SPIDR: variants seen among roughly 807,000 people sequenced by gnomAD.
SPIDR encodes the protein scaffold protein involved in DNA repair.
A neutral mutation model predicts 104.6 loss-of-function variants in SPIDR; 93 were observed. The ratio of observed to expected loss-of-function variants is 0.89; its 90% CI spans 0.75 to 1.06. The LOEUF is 1.06. Ranked by LOEUF, SPIDR falls within the 50% of genes least tolerant of loss-of-function variation. The probability of loss-of-function intolerance (pLI) is 0.00; values close to 1 mark genes in which losing one functional copy is unlikely to be tolerated. For synonymous variants in SPIDR, 431 were observed against 416.9 expected, an observed-to-expected ratio of 1.03 and a Z score of -0.41; for missense variants, 1,154 against 1,111.2, an observed-to-expected ratio of 1.04 and a Z score of -0.55.
At chr8:47,332,939 A>G (rs2049023246) in intron 5 of SPIDR, among the ~76,000 whole-genome samples, 1 of 145,680 alleles carries the variant, frequency 6.9e-6, no homozygotes, top group Non-Finnish European at 1.5e-5. Context: ...ATTTTCTCCC[A>G]TGTTGTAGGT....
At chr8:47,586,951 TAG>T (rs1195225026) in intron 8 of SPIDR, among the ~76,000 whole-genome samples, 4 of 152,112 alleles carry the variant, frequency 2.6e-5, no homozygotes, top group Non-Finnish European at 5.9e-5. Context: ...GTATTTTTAG[TAG>T]AGACAGAGGT....
At chr8:47,733,598 C>T (rs1223870612) in intron 19 of SPIDR, among the ~76,000 whole-genome samples, 1 of 151,358 alleles carries the variant, frequency 6.6e-6, no homozygotes, top group African/African-American at 2.4e-5. Flanking sequence ...AGCGCATATG[C>T]CGCCTCCACC....
chr8:47,336,497 G>T (rs115660207), intron 5 of SPIDR, among the ~76,000 whole-genome samples: 2,256 of 152,230 alleles, frequency 0.015, 56 homozygotes, highest in African/African-American at 0.051. Flanking sequence ...AGGAAAAAAT[G>T]TAACAATGTG....
chr8:47,284,833 G>A (rs2038506525), intron 3 of SPIDR, among the ~76,000 whole-genome samples: 1 of 152,182 alleles, frequency 6.6e-6, no homozygotes, highest in Non-Finnish European at 1.5e-5. Context: ...GTGAAATTAA[G>A]GATTTTTAGA....
intron 8 of SPIDR, among the ~76,000 whole-genome samples, chr8:47,517,094 C>T (rs2083282470): frequency 6.6e-6 from 1 of 152,088 alleles, no homozygotes; most frequent in Non-Finnish European, 1.5e-5. Flanking sequence ...AAGCAATTCT[C>T]CTGCCTCAGC....
chr8:47,416,887 G>C (rs1421189051), intron 7 of SPIDR, among the ~76,000 whole-genome samples: 6 of 137,900 alleles, frequency 4.4e-5, no homozygotes, highest in Non-Finnish European at 9.9e-5. Context: ...TTGGTTTTTT[G>C]TCCTTGCGAT....
At chr8:47,566,468 C>G (rs1188226587) in intron 8 of SPIDR, among the ~76,000 whole-genome samples, 1 of 152,058 alleles carries the variant, frequency 6.6e-6, no homozygotes, top group Non-Finnish European at 1.5e-5. Flanking sequence ...CTAGAAAGGA[C>G]TTATAAAGTC....
At chr8:47,516,128 A>ACT (rs1564200273) in intron 8 of SPIDR, among the ~76,000 whole-genome samples, 1 of 152,192 alleles carries the variant, frequency 6.6e-6, no homozygotes, top group African/African-American at 2.4e-5. Flanking sequence ...TTTTTAAGAC[A>ACT]CAAAGTCTGC....
chr8:47,558,834 G>T (rs771256950), intron 8 of SPIDR, among the ~76,000 whole-genome samples: 4 of 152,058 alleles, frequency 2.6e-5, no homozygotes, highest in African/African-American at 4.8e-5. Flanking sequence ...TAGAGACAGG[G>T]TTTCACTGTG....
intron 8 of SPIDR, among the ~76,000 whole-genome samples, chr8:47,538,204 C>T (rs755225837): frequency 6.6e-6 from 1 of 151,774 alleles, no homozygotes; most frequent in Non-Finnish European, 1.5e-5. Context: ...AATAGGAGTT[C>T]CCAGAGGTTG....
At chr8:47,282,140 A>T (rs1043599420) in intron 2 of SPIDR, among the ~76,000 whole-genome samples, 3 of 152,212 alleles carry the variant, frequency 2.0e-5, no homozygotes, top group Non-Finnish European at 4.4e-5. Flanking sequence ...CTGTAAAGAG[A>T]TGTGCTGTCA....
chr8:47,481,326 T>A (rs1554726921), intron 8 of SPIDR, among the ~76,000 whole-genome samples: 1 of 152,222 alleles, frequency 6.6e-6, no homozygotes, highest in African/African-American at 2.4e-5. Context: ...AGAGTTGTAA[T>A]GCAGCTCTAA....
At chr8:47,423,491 A>G (rs1435003459) in intron 7 of SPIDR, among the ~76,000 whole-genome samples, 1 of 151,970 alleles carries the variant, frequency 6.6e-6, no homozygotes, top group Non-Finnish European at 1.5e-5. Context: ...AATCCCAGCT[A>G]TTCTGGAAGC....
intron 11 of SPIDR, among the ~76,000 whole-genome samples, chr8:47,685,509 A>ATTTTTTTTTTTTTT (rs79918303): frequency 4.7e-5 from 5 of 106,864 alleles, no homozygotes; most frequent in Non-Finnish European, 6.9e-5. Context: ...TTATTTATTT[A>ATTTTTTTTTTTTTT]TTTATTTATT....
chr8:47,312,584 A>G (rs1208461683), intron 5 of SPIDR, among the ~76,000 whole-genome samples: 4 of 151,700 alleles, frequency 2.6e-5, no homozygotes, highest in Non-Finnish European at 4.4e-5. Context: ...TTTTTCTTGT[A>G]AATTTGTTTG....
At chr8:47,674,667 G>A (rs773410145) in intron 11 of SPIDR, among the ~76,000 whole-genome samples, 2 of 152,132 alleles carry the variant, frequency 1.3e-5, no homozygotes, top group Non-Finnish European at 2.9e-5. Context: ...TAACAGTATC[G>A]GAAGGAGGAA....
intron 8 of SPIDR, among the ~76,000 whole-genome samples, chr8:47,447,132 G>T (rs1554702438): frequency 6.6e-6 from 1 of 152,224 alleles, no homozygotes. Flanking sequence ...CTGAAGATGG[G>T]ACTGAATTGC....
intron 8 of SPIDR, among the ~76,000 whole-genome samples, chr8:47,499,940 G>A (rs1344889739): frequency 6.6e-6 from 1 of 152,066 alleles, no homozygotes; most frequent in Admixed American, 6.5e-5. Context: ...ATGGTTTCCA[G>A]CTTCATCCAT....
At chr8:47,595,677 G>A in intron 8 of SPIDR, 134 bp from the exon 9 acceptor site, 2 of 734,930 alleles carry the variant, frequency 2.7e-6, no homozygotes, top group Admixed American at 2.7e-5. Context: ...AAGGACAGCT[G>A]TGCCTCTGTG....
Sources: allele counts gnomAD v4.1 joint callset (sites outside exome capture counted in the v4.1 genomes callset), GRCh38; gene constraint gnomAD v4.1.1; transcripts MANE v1.5; gene names NCBI Gene and HGNC (gene_info 2026-07-23, HGNC 2026-07-21).